COL4A3: variants seen among roughly 807,000 people sequenced by gnomAD.
COL4A3 encodes collagen alpha-3(IV) chain.
Under a neutral mutation model 217.4 loss-of-function variants are expected in COL4A3, and 135 were observed. That is an observed-to-expected ratio of 0.62 (90% CI 0.54 to 0.72). The LOEUF is 0.72. COL4A3 is among the 30% of genes least tolerant of loss of function. The probability of loss-of-function intolerance (pLI) is 0.00; values close to 1 mark genes in which losing one functional copy is unlikely to be tolerated. For missense variants in COL4A3, 1,868 were observed against 2,119.9 expected, an observed-to-expected ratio of 0.88 and a Z score of 2.33; for synonymous variants, 690 against 736.3, an observed-to-expected ratio of 0.94 and a Z score of 1.02.
chr2:227,216,733 G>T lies in COL4A3; in HGVS notation c.88-21235G>T, dbSNP rs973363444. On this transcript the variant is annotated intron_variant, in intron 1 of 51. Coordinates refer to ENST00000396578, the MANE Select transcript of COL4A3 (RefSeq NM_000091.5). ...CTCAACAAATATTTCTTAAGTATCA[G>T]TTATGTACCAAGAATCCCTTAGGGC... Among the ~76,000 whole-genome samples, 7 of 152,172 alleles carry T rather than the reference G, an allele frequency of 4.6e-5. No homozygotes were observed. The East Asian group carries it at 1.3e-3, about 29-fold the overall frequency.
At chr2:227,248,297 A>G (rs1483259954) in intron 8 of COL4A3, 146 bp from the exon 9 acceptor site, 3 of 711,606 alleles carry the variant, frequency 4.2e-6, no homozygotes, top group Non-Finnish European at 7.7e-6. Context: ...TCATAATGGA[A>G]TAATTACAAA....
chr2:227,278,102 G>A (rs1407397159), intron 28 of COL4A3, among the ~76,000 whole-genome samples: 1 of 148,636 alleles, frequency 6.7e-6, no homozygotes, highest in East Asian at 2.0e-4. Context: ...GTAAATGCCT[G>A]CACATTTCAC....
At position 227,270,852 on chromosome 2, in the gene COL4A3, C is replaced by T; in HGVS notation, c.1658C>T (p.Pro553Leu). 1 of 1,614,138 alleles carries T rather than the reference C, an allele frequency of 6.2e-7. No homozygotes were observed. The highest frequency in any genetic ancestry group is 8.5e-7 in the Non-Finnish European group (1 of 1,180,020). ...TLQPEGQVGVPGDPGLRGQPG... is the reference protein window; with the variant it reads ...TLQPEGQVGVLGDPGLRGQPG... ...CAGCCTGAGGGGCAAGTGGGTGTCC[C>T]AGGTGACCCGGGGCTCAGAGGCCAA... The change falls in exon 25 of 52, where the codon CCA becomes CTA. Residue 553 changes from proline to leucine, a missense_variant. Pro to Leu is a moderately conservative substitution (Grantham distance 98). Around this residue, in one of 2 missense-constraint regions of COL4A3, gnomAD observed 1,503 missense variants for 1,786.1 expected, o/e 0.84. Transcript: ENST00000396578.
At chr2:227,183,798 T>TGGGAC (rs2065931188) in intron 1 of COL4A3, among the ~76,000 whole-genome samples, 1 of 152,194 alleles carries the variant, frequency 6.6e-6, no homozygotes, top group African/African-American at 2.4e-5. Flanking sequence ...GTCAAAAGAT[T>TGGGAC]GGGCACAGGA....
intron 47 of COL4A3, among the ~76,000 whole-genome samples, chr2:227,307,360 T>TC (rs1171086243): frequency 6.6e-6 from 1 of 152,196 alleles, no homozygotes; most frequent in African/African-American, 2.4e-5. Flanking sequence ...ATTTGATTTT[T>TC]CCCCCATCAC....
intron 11 of COL4A3, among the ~76,000 whole-genome samples, chr2:227,252,212 C>CT (rs72162625): frequency 0.015 from 1,267 of 82,804 alleles, 48 homozygotes; most frequent in African/African-American, 0.046. Context: ...TTCTTTCTTT[C>CT]TTTTTTTTTT....
intron 20 of COL4A3, among the ~76,000 whole-genome samples, chr2:227,261,900 G>A (rs371517234): frequency 2.0e-5 from 3 of 152,166 alleles, no homozygotes; most frequent in African/African-American, 7.2e-5. Flanking sequence ...AAAAGAGTTG[G>A]ATCAGGGATG....
chr2:227,311,453 C>T (rs950027586), intron 51 of COL4A3, among the ~76,000 whole-genome samples: 3 of 151,562 alleles, frequency 2.0e-5, no homozygotes, highest in African/African-American at 4.9e-5. Context: ...GACCTGGGCT[C>T]ACTAGAACCT....
At chr2:227,248,289 A>T in intron 8 of COL4A3, 154 bp from the exon 9 acceptor site, 1 of 694,326 alleles carries the variant, frequency 1.4e-6, no homozygotes, top group East Asian at 2.7e-5. Flanking sequence ...TGAATTCTTC[A>T]TAATGGAATA....
Position 227,227,170 on chromosome 2 carries a change from A to G in COL4A3, c.88-10798A>G, listed in dbSNP as rs573663147. Among the ~76,000 whole-genome samples the G allele has an allele frequency of 2.6e-5, 4 of 152,334 alleles. No individual in the cohort carries two copies. In the East Asian group the frequency reaches 5.8e-4, roughly 22 times the overall value. ...CTGCCAAGTCCTGCATTATACAGCT[A>G]ATTTCATGAGCTACTATGTTATGTT... On this transcript the variant is annotated intron_variant, in intron 1 of 51. Coordinates refer to ENST00000396578, the MANE Select transcript of COL4A3 (RefSeq NM_000091.5).
chr2:227,270,765 C>G lies in COL4A3; in HGVS notation c.1576-5C>G. ...CAATACAGATTCATTTGTGTACTACCCTAGGGTTTCCCAGGTGCCCAGGGT... is the reference window on the plus strand; with the variant it reads ...CAATACAGATTCATTTGTGTACTACGCTAGGGTTTCCCAGGTGCCCAGGGT... On this transcript the variant is annotated splice_region_variant and splice_polypyrimidine_tract_variant and intron_variant, in intron 24 of 51. Coordinates refer to ENST00000396578, the MANE Select transcript of COL4A3 (RefSeq NM_000091.5). The G allele has an allele frequency of 6.2e-7, 1 of 1,613,600 alleles. No homozygotes were observed. The highest frequency in any genetic ancestry group is 1.1e-5 in the South Asian group (1 of 91,054).
intron 28 of COL4A3, among the ~76,000 whole-genome samples, chr2:227,278,628 G>C (rs538355640): frequency 6.6e-6 from 1 of 152,216 alleles, no homozygotes; most frequent in South Asian, 2.1e-4. Flanking sequence ...CTAATGATCT[G>C]TGAAGTAAGG....
Position 227,259,813 on chromosome 2 carries a change from C to T in COL4A3, c.1050C>T (p.Tyr350=), listed in dbSNP as rs763250263. The change falls in exon 19 of 52, where the codon TAC becomes TAT. Residue 350 remains tyrosine (Y), a synonymous_variant. Coordinates refer to ENST00000396578, the MANE Select transcript of COL4A3 (RefSeq NM_000091.5). The part of the protein sequence containing the change: ...FRGPTEYYDT[Y]QEKGDEGTPG... ...CTAAGACAGAATATTATGACACATA[C>T]CAGGAAAAGGGAGATGAAGGCACTC... 6.2e-7 allele frequency: 1 copy of T among 1,612,700 alleles called. No individual in the cohort carries two copies. The highest frequency in any genetic ancestry group is 8.5e-7 in the Non-Finnish European group (1 of 1,178,730).
intron 1 of COL4A3, among the ~76,000 whole-genome samples, chr2:227,216,627 C>G (rs905085084): frequency 6.6e-6 from 1 of 152,142 alleles, no homozygotes; most frequent in African/African-American, 2.4e-5. Context: ...AAAAAGCATA[C>G]TTAACAATCA....
chr2:227,264,443 A>G (rs2070771977), intron 21 of COL4A3, among the ~76,000 whole-genome samples: 1 of 152,156 alleles, frequency 6.6e-6, no homozygotes, highest in Non-Finnish European at 1.5e-5. Context: ...GCCCCAGGAC[A>G]GTAGGCCAGA....
chr2:227,255,363 TC>T (rs1267927994), intron 15 of COL4A3, among the ~76,000 whole-genome samples: 1 of 152,142 alleles, frequency 6.6e-6, no homozygotes, highest in Admixed American at 6.5e-5. Context: ...CCCACCCAGA[TC>T]CATTTTGGAA....
chr2:227,272,912 A>G, intron 25 of COL4A3, 37 bp from the exon 26 acceptor site: 1 of 1,608,564 alleles, frequency 6.2e-7, no homozygotes, highest in South Asian at 1.1e-5. Context: ...AATATACTGG[A>G]ATGAAGCACG....
intron 35 of COL4A3, 63 bp downstream of exon 35, chr2:227,289,311 A>G (rs2072537059): frequency 1.4e-6 from 2 of 1,388,068 alleles, no homozygotes; most frequent in Non-Finnish European, 1.0e-6. Flanking sequence ...TAAAGTAATA[A>G]AAGTTGTTTC....
chr2:227,307,330 G>A (rs770910933), intron 47 of COL4A3, among the ~76,000 whole-genome samples: 3 of 152,050 alleles, frequency 2.0e-5, no homozygotes, highest in African/African-American at 2.4e-5. Flanking sequence ...TTATCTACTC[G>A]AATAGACTAA....
Sources: gnomAD v4.1 joint callset for allele counts (sites outside exome capture counted in the v4.1 genomes callset) on GRCh38, gnomAD v4.1.1 for gene constraint, gnomAD v4.1.1 regional missense constraint, MANE v1.5 for transcripts, NCBI Gene and HGNC (gene_info 2026-07-23, HGNC 2026-07-21) for gene names.